The following SIGLEC6 variants were observed in gnomAD, a reference collection of about 807,000 sequenced individuals.
The protein encoded by SIGLEC6 is sialic acid binding Ig like lectin 6, also known as sialic acid-binding Ig-like lectin 6.
A neutral mutation model predicts 41.4 loss-of-function variants in SIGLEC6; 31 were observed. That is an observed-to-expected ratio of 0.75 (90% CI 0.56 to 1.01). The LOEUF (loss-of-function observed/expected upper bound fraction) is 1.01, where lower values mean the gene tolerates loss of function less well. Ranked by LOEUF, SIGLEC6 falls within the 50% of genes least tolerant of loss-of-function variation. The pLI is 0.00. For synonymous variants in SIGLEC6, 217 were observed against 231.0 expected, an observed-to-expected ratio of 0.94 and a Z score of 0.55; for missense variants, 555 against 558.6, an observed-to-expected ratio of 0.99 and a Z score of 0.06.
In SIGLEC6 at chr19:51,518,916, G is replaced by T. The variant is rs890654412; in HGVS notation, c.*1166C>A. ...GAGTCGTGAAGAGTTCTGAACAGGG[G>T]GTGACACAGACACCTGGTGCTGTGG... On this transcript the variant is annotated 3_prime_UTR_variant, in exon 8 of 8. Transcript: ENST00000425629. Among the ~76,000 whole-genome samples, 3 of 152,084 alleles carry T rather than the reference G, an allele frequency of 2.0e-5. No homozygotes were observed. The highest frequency in any genetic ancestry group is 7.2e-5 in the African/African-American group (3 of 41,404).
rs1330868387 is a variant in SIGLEC6, at chr19:51,529,860, G to A, written c.876C>T (p.Ala292=). 2 of 1,614,178 alleles carry A rather than the reference G, an allele frequency of 1.2e-6. No homozygotes were observed. Among genetic ancestry groups the A allele is most frequent in the Non-Finnish European group, 1.7e-6 (2 of 1,180,024 alleles). ...TATTGGAGATGGGGGTGGCGTTCAG[G>A]GCGGGGAAGCCCTGGAACCAGCTCA... ...AHLSWFQGFP[A]LNATPISNTG... The change falls in exon 5 of 8, where the codon GCC becomes GCT. Residue 292 remains alanine (A), a synonymous_variant. Coordinates refer to ENST00000425629, the MANE Select transcript of SIGLEC6 (RefSeq NM_001245.7).
chr19:51,530,009 G>T lies in SIGLEC6; in HGVS notation c.755-28C>A, dbSNP rs553446076. On this transcript the variant is annotated intron_variant, in intron 4 of 7. Coordinates refer to ENST00000425629, the MANE Select transcript of SIGLEC6 (RefSeq NM_001245.7). ...TTGGGGAGAGAGGTGTAGAGAGTTA[G>T]AGATGGGGTATAGGGGCAAAGCACT... The T allele has an allele frequency of 2.3e-5, 36 of 1,554,350 alleles. No individual in the cohort carries two copies. In the South Asian group the frequency reaches 4.1e-4, roughly 18 times the overall value.
chr19:51,522,128 A>G (rs1222223555), intron 7 of SIGLEC6, among the ~76,000 whole-genome samples: 1 of 152,258 alleles, frequency 6.6e-6, no homozygotes, highest in Non-Finnish European at 1.5e-5. Flanking sequence ...AGCTGTATGC[A>G]CAGAGTGAAA....
chr19:51,524,022 CA>C lies in SIGLEC6; in HGVS notation c.1188+3724del, dbSNP rs201212627. ...TGGGTGACAGAGTGAGACTCCATCT[CA>C]AAAAAAAAAAGTAGTAATATTTTAA... On this transcript the variant is annotated intron_variant, in intron 7 of 7. Coordinates refer to ENST00000425629, the MANE Select transcript of SIGLEC6 (RefSeq NM_001245.7). Among the ~76,000 whole-genome samples the C allele has an allele frequency of 8.9e-3, 1,145 of 128,710 alleles. 15 individuals are homozygous for C. Among genetic ancestry groups the C allele is most frequent in the African/African-American group, 0.03 (1,033 of 34,764 alleles). The allele number at this position is 128,710 out of a possible 152,430, so 84.4% of individuals were successfully genotyped here. A position where few individuals can be genotyped will look rare whatever the true frequency, so the allele number is the denominator to read the frequency against.
chr19:51,528,420 C>A (rs1302336601), intron 5 of SIGLEC6, 167 bp from the exon 6 acceptor site: 4 of 628,354 alleles, frequency 6.4e-6, no homozygotes, highest in Non-Finnish European at 8.5e-6. Flanking sequence ...TCCATGACTC[C>A]CCCTTCCCCC....
chr19:51,519,988 C>A lies in SIGLEC6; in HGVS notation c.*94G>T. 2 of 1,067,810 alleles carry A rather than the reference C, an allele frequency of 1.9e-6. No individual in the cohort carries two copies. The highest frequency in any genetic ancestry group is 4.8e-5 in the South Asian group (2 of 41,506). 66.1% of individuals were successfully genotyped at this position (1,067,810 alleles called of 1,614,324 possible). A position where few individuals can be genotyped will look rare whatever the true frequency, so the allele number is the denominator to read the frequency against. ...AATAAAGTTCTGTGTTTATGTCACT[C>A]GGTTTGTGGTACATTGCTGTGGCAG... On this transcript the variant is annotated 3_prime_UTR_variant, in exon 8 of 8. Transcript: ENST00000425629.
At chr19:51,530,570 G>A in intron 3 of SIGLEC6, 86 bp from the exon 4 acceptor site, 1 of 1,607,250 alleles carries the variant, frequency 6.2e-7, no homozygotes, top group Non-Finnish European at 8.5e-7. Flanking sequence ...ATGAAAACAG[G>A]GAAAGGGGCT....
rs1416146041 is a variant in SIGLEC6 at position 51,518,543 on chromosome 19, T to C, written c.*1539A>G. Among the ~76,000 whole-genome samples, 4 of 152,314 alleles carry C rather than the reference T, an allele frequency of 2.6e-5. No homozygotes were observed. The East Asian group carries it at 7.7e-4, about 29-fold the overall frequency. On this transcript the variant is annotated 3_prime_UTR_variant, in exon 8 of 8. Coordinates refer to ENST00000425629, the MANE Select transcript of SIGLEC6 (RefSeq NM_001245.7). ...TTAGTAGAGATGGGGTTTCACCATG[T>C]TGGCCAGACCAGTCTCGAACTCCTG... is the stretch of plus-strand genomic sequence containing the variant.
At position 51,518,036 on chromosome 19, in the gene SIGLEC6, G is replaced by A. The variant is rs1230388417; in HGVS notation, c.*2046C>T. Among the ~76,000 whole-genome samples, 1 of 151,962 alleles carries A rather than the reference G, an allele frequency of 6.6e-6. No homozygotes were observed. The highest frequency in any genetic ancestry group is 1.5e-5 in the Non-Finnish European group (1 of 67,990). On this transcript the variant is annotated 3_prime_UTR_variant, in exon 8 of 8. Coordinates refer to ENST00000425629, the MANE Select transcript of SIGLEC6 (RefSeq NM_001245.7). ...TGCTCACATATTTGCTACTTTCCTA[G>A]GTTTTCATTTTTTTTGGATCTCAAA...
chr19:51,520,149 T>A lies in SIGLEC6; in HGVS notation c.1295A>T (p.His432Leu). 1 of 1,606,356 alleles carries A rather than the reference T, an allele frequency of 6.2e-7. No individual in the cohort carries two copies. The highest frequency in any genetic ancestry group is 8.5e-7 in the Non-Finnish European group (1 of 1,173,950). ...QELHYAVLHF[H>L]KVQPQEPKVT... ...CTTTGGTTCCTGAGGTTGCACCTTG[T>A]GGAAGTGTAGGACAGCGTAGTGGAG... The change falls in exon 8 of 8, where the codon CAC (histidine) becomes CTC (leucine). Residue 432 changes from histidine to leucine, a missense_variant. His to Leu is a moderately conservative substitution (Grantham distance 99, BLOSUM62 -3). Coordinates refer to ENST00000425629, the MANE Select transcript of SIGLEC6 (RefSeq NM_001245.7).
intron 5 of SIGLEC6, 40 bp downstream of exon 5, chr19:51,529,684 C>G: frequency 6.2e-7 from 1 of 1,611,992 alleles, no homozygotes; most frequent in Non-Finnish European, 8.5e-7. Context: ...GAGCTCTCGC[C>G]CAGCTGCCCA....
intron 7 of SIGLEC6, among the ~76,000 whole-genome samples, chr19:51,521,284 G>A (rs1990917233): frequency 6.6e-6 from 1 of 152,138 alleles, no homozygotes; most frequent in Non-Finnish European, 1.5e-5. Context: ...TAAACCAAGA[G>A]GCAATACAAG....
At position 51,530,732 on chromosome 19, in the gene SIGLEC6, A is replaced by G; in HGVS notation, c.655T>C (p.Phe219Leu). 1.9e-6 allele frequency: 3 copies of G among 1,614,074 alleles called. No homozygotes were observed. The highest frequency in any genetic ancestry group is 2.5e-6 in the Non-Finnish European group (3 of 1,179,964). The part of the protein sequence containing the change: ...HSTNLTCQVT[F>L]PGAGVTMERT... The stretch of plus-strand genomic sequence containing the variant: ...TCCATGGTCACACCGGCTCCAGGGA[A>G]CGTCACCTGACAGGTGAGGTTGGTG... Residue 219 changes from phenylalanine to leucine, a missense_variant, in exon 3 of 8, where the codon TTC (phenylalanine) becomes CTC (leucine). Phe to Leu is a conservative substitution (Grantham distance 22). Coordinates refer to ENST00000425629, the MANE Select transcript of SIGLEC6 (RefSeq NM_001245.7).
chr19:51,519,208 T>A lies in SIGLEC6; in HGVS notation c.*874A>T, dbSNP rs1347635315. Among the ~76,000 whole-genome samples, 2 of 144,200 alleles carry A rather than the reference T, an allele frequency of 1.4e-5. No individual in the cohort carries two copies. Among genetic ancestry groups the A allele is most frequent in the Admixed American group, 7.4e-5 (1 of 13,482 alleles). The allele number at this position is 144,200 out of a possible 152,430, so 94.6% of individuals were successfully genotyped here. ...TACTTGGGAGGCTGAGGCAGGAGAA[T>A]GGTGTGAACCCAGGGGGCGAAGCTT... is the stretch of plus-strand genomic sequence containing the variant. On this transcript the variant is annotated 3_prime_UTR_variant, in exon 8 of 8. Transcript: ENST00000425629.
intron 6 of SIGLEC6, 52 bp downstream of exon 6, chr19:51,528,108 T>A: frequency 6.6e-7 from 1 of 1,504,558 alleles, no homozygotes; most frequent in Non-Finnish European, 9.3e-7. Context: ...CTGCCACCTG[T>A]GTGCCCTTCC....
chr19:51,528,543 C>T, intron 5 of SIGLEC6: 1 of 460,980 alleles, frequency 2.2e-6, no homozygotes, highest in African/African-American at 2.0e-5. Flanking sequence ...TGTCTCCCCA[C>T]AATTCCTATT....
Position 51,530,775 on chromosome 19 carries a change from T to TG in SIGLEC6, c.611dup (p.Arg205ThrfsTer71). 6.2e-7 allele frequency: 1 copy of TG among 1,613,774 alleles called. No homozygotes were observed. Among genetic ancestry groups the TG allele is most frequent in the Non-Finnish European group, 8.5e-7 (1 of 1,179,928 alleles). On this transcript the variant is annotated frameshift_variant, in exon 3 of 8. Transcript: ENST00000425629. LOFTEE classifies it high-confidence loss of function. ...GGTTGGTGCTGTGGTCCTGGGGCCG[T>TG]GGGGTGATTGTGAGCACCGAGGACT...
rs373766119 is a variant in SIGLEC6 at position 51,528,247 on chromosome 19, G to C, written c.1019C>G (p.Pro340Arg). The C allele has an allele frequency of 1.2e-5, 20 of 1,613,674 alleles. No homozygotes were observed. Among genetic ancestry groups the C allele is most frequent in the Middle Eastern group, 1.6e-4 (1 of 6,082 alleles). The change falls in exon 6 of 8, where the codon CCA becomes CGA. Residue 340 changes from proline (P) to arginine (R), a missense_variant. Transcript: ENST00000425629. ...ISLSLFVHWKPEGRAGGVLGA... is the reference protein window; with the variant it reads ...ISLSLFVHWKREGRAGGVLGA... The stretch of plus-strand genomic sequence containing the variant: ...CAGGACACCACCAGCCCTGCCTTCT[G>C]GTTTCCCTATAATTTGAATTTTAAG...
chr19:51,529,515 T>A, intron 5 of SIGLEC6: 1 of 618,592 alleles, frequency 1.6e-6, no homozygotes, highest in South Asian at 2.0e-5. Flanking sequence ...TGGCTGCTGT[T>A]CCCATCCCTC....
Sources: gnomAD v4.1 joint callset for allele counts (sites outside exome capture counted in the v4.1 genomes callset) on GRCh38, gnomAD v4.1.1 for gene constraint, MANE v1.5 for transcripts, NCBI Gene and HGNC (gene_info 2026-07-23, HGNC 2026-07-21) for gene names.